Variants in BCL11A observed in about 807,000 individuals in gnomAD.
BCL11A encodes the protein BCL11 transcription factor A.
Under a neutral mutation model 55.9 loss-of-function variants are expected in BCL11A, and 2 were observed. The observed-to-expected ratio is 0.04, with a 90% CI of 0.01 to 0.11. BCL11A has a LOEUF of 0.11. Ranked by LOEUF, BCL11A falls within the 10% of genes least tolerant of loss-of-function variation. The pLI is 1.00. For synonymous variants in BCL11A, 465 were observed against 473.4 expected (o/e 0.98, Z 0.23); for missense variants, 817 against 1,137.1 (o/e 0.72, Z 4.05).
At position 60,461,514 on chromosome 2, in the gene BCL11A, C is replaced by G. The variant is rs1456257874; in HGVS notation, c.1398G>C (p.Val466=). 2 of 1,607,108 alleles carry G rather than the reference C, an allele frequency of 1.2e-6. No homozygotes were observed. The highest frequency in any genetic ancestry group is 1.7e-6 in the Non-Finnish European group (2 of 1,179,976). Residue 466 remains valine, a synonymous_variant, in exon 4 of 4, where the codon GTG becomes GTC. Transcript: ENST00000642384. ...CGTTCTCGCTCTTGAACTTGGCCAC[C>G]ACGGACTTGAGCGCGCTGCTGGCGC... ...VGSASSALKS[V]VAKFKSENDP... is the part of the protein sequence containing the mutation.
chr2:60,511,147 G>A (rs1215186438), intron 2 of BCL11A, among the ~76,000 whole-genome samples: 1 of 152,054 alleles, frequency 6.6e-6, no homozygotes. Context: ...CTGCCTCCAC[G>A]GCATTACTCT....
In BCL11A at chr2:60,460,894, A is replaced by G. The variant is rs758262723; in HGVS notation, c.2018T>C (p.Phe673Ser). The G allele has an allele frequency of 1.9e-6, 3 of 1,613,096 alleles. No individual in the cohort carries two copies. Among genetic ancestry groups the G allele is most frequent in the Non-Finnish European group, 1.7e-6 (2 of 1,180,022 alleles). ...TTGTCTGGAGTCTCCGAAGCTAAGGAAGGGATCTTTGAGCTGCCTGGAGGC... is the reference window on the plus strand; with the variant it reads ...TTGTCTGGAGTCTCCGAAGCTAAGGGAGGGATCTTTGAGCTGCCTGGAGGC... ...YAASRQLKDP[F>S]LSFGDSRQSP... The change falls in exon 4 of 4, where the codon TTC (phenylalanine) becomes TCC (serine). Residue 673 changes from phenylalanine to serine, a missense_variant. By Grantham distance (155) the Phe-to-Ser change is radical. Transcript: ENST00000642384.
intron 2 of BCL11A, among the ~76,000 whole-genome samples, chr2:60,492,339 C>T (rs1023253302): frequency 6.6e-6 from 1 of 152,122 alleles, no homozygotes. Context: ...TACACTCTAG[C>T]CTAGGCAACA....
intron 3 of BCL11A, among the ~76,000 whole-genome samples, chr2:60,464,164 C>G (rs1018568253): frequency 2.0e-5 from 3 of 152,096 alleles, no homozygotes; most frequent in African/African-American, 7.2e-5. Flanking sequence ...TATCTCACTC[C>G]TGGGTAAATC....
intron 2 of BCL11A, chr2:60,542,222 T>A (rs1425277728): frequency 4.6e-6 from 1 of 216,792 alleles, no homozygotes; most frequent in Non-Finnish European, 9.1e-6. Context: ...GGACTTGTCA[T>A]ATTTTTTCTC....
chr2:60,526,489 G>A (rs956275497), intron 2 of BCL11A: 2 of 152,014 alleles, frequency 1.3e-5, no homozygotes, highest in South Asian at 2.1e-4. Context: ...TGCTCAAAAG[G>A]GTCCGCAAAA....
At position 60,546,790 on chromosome 2, in the gene BCL11A, A is replaced by G. The variant is rs1295251566; in HGVS notation, c.56-490T>C. The stretch of plus-strand genomic sequence containing the variant: ...AATGAAAGGAGAGGTGAATAAACAC[A>G]CACACCCTTTGTGTGTGAATGTATA... On this transcript the variant is annotated intron_variant, in intron 1 of 3. Coordinates refer to ENST00000642384, the MANE Select transcript of BCL11A (RefSeq NM_022893.4). This position sits in a 1 kb window ranked among gnomAD's most constrained non-coding sequence, Gnocchi z 4.1. Among the ~76,000 whole-genome samples the G allele has an allele frequency of 1.3e-5, 2 of 152,228 alleles. No individual in the cohort carries two copies. Among genetic ancestry groups the G allele is most frequent in the Admixed American group, 1.3e-4 (2 of 15,282 alleles).
Position 60,553,239 on chromosome 2 carries a change from T to C in BCL11A, c.32A>G (p.His11Arg), listed in dbSNP as rs1185259158. 1 of 1,600,054 alleles carries C rather than the reference T, an allele frequency of 6.2e-7. No homozygotes were observed. The highest frequency in any genetic ancestry group is 8.5e-7 in the Non-Finnish European group (1 of 1,175,980). The change falls in exon 1 of 4, where the codon CAC (histidine) becomes CGC (arginine). Residue 11 changes from histidine (H) to arginine (R), a missense_variant. His to Arg is a conservative substitution (Grantham distance 29, BLOSUM62 0). Transcript: ENST00000642384. MSRRKQGKPQ[H>R]LSKREFSPEP... Reference sequence around the variant, plus strand: ...ACGCGAGAATTCCCGTTTGCTTAAGTGCTGGGGTTTGCCTTGCTTGCGGCG... The same window carrying C: ...ACGCGAGAATTCCCGTTTGCTTAAGCGCTGGGGTTTGCCTTGCTTGCGGCG...
intron 1 of BCL11A, among the ~76,000 whole-genome samples, chr2:60,549,493 G>A (rs1185354304): frequency 6.6e-6 from 1 of 152,234 alleles, no homozygotes; most frequent in Non-Finnish European, 1.5e-5. Context: ...AGGGGCCCCG[G>A]CAAGGGTGGA....
chr2:60,517,815 T>C (rs568838118), intron 2 of BCL11A, among the ~76,000 whole-genome samples: 1 of 152,246 alleles, frequency 6.6e-6, no homozygotes, highest in Admixed American at 6.5e-5. Flanking sequence ...CACAAGTCTA[T>C]GTCTACATAG....
intron 2 of BCL11A, among the ~76,000 whole-genome samples, chr2:60,477,604 T>TAAATAAAGAAAGAAAG (rs1677688324): frequency 6.6e-6 from 1 of 150,512 alleles, no homozygotes; most frequent in Non-Finnish European, 1.5e-5. Flanking sequence ...GTAAAATAAA[T>TAAATAAAGAAAGAAAG]AAAGAAAGAA....
chr2:60,452,616 A>T, downstream of BCL11A: 1 of 1,613,976 alleles, frequency 6.2e-7, no homozygotes, highest in Non-Finnish European at 8.5e-7. Context: ...GAAAACTGCC[A>T]CACATCTTGA....
At position 60,457,475 on chromosome 2, in the gene BCL11A, A is replaced by T; in HGVS notation, c.*2929T>A. ...AGTGACTCCCATAGTAAAAGATAAA[A>T]TTTCAAGTTACGACAAACAGCTTTC... On this transcript the variant is annotated 3_prime_UTR_variant, in exon 4 of 4. Coordinates refer to ENST00000642384, the MANE Select transcript of BCL11A (RefSeq NM_022893.4). 1 of 1,042,454 alleles carries T rather than the reference A, an allele frequency of 9.6e-7. No homozygotes were observed. Among genetic ancestry groups the T allele is most frequent in the Non-Finnish European group, 1.2e-6 (1 of 864,446 alleles). 64.6% of individuals were successfully genotyped at this position (1,042,454 alleles called of 1,614,324 possible).
chr2:60,499,447 C>T (rs1166600482), intron 2 of BCL11A, among the ~76,000 whole-genome samples: 1 of 152,038 alleles, frequency 6.6e-6, no homozygotes, highest in East Asian at 1.9e-4. Flanking sequence ...GGAAATTAGC[C>T]CCATTTTATA....
chr2:60,491,919 A>C (rs1678664094), intron 2 of BCL11A, among the ~76,000 whole-genome samples: 2 of 152,210 alleles, frequency 1.3e-5, no homozygotes, highest in African/African-American at 4.8e-5. Context: ...CAAATAAATG[A>C]AGTTCAGATA....
intron 2 of BCL11A, among the ~76,000 whole-genome samples, chr2:60,504,304 C>A (rs534481862): frequency 6.6e-6 from 1 of 152,320 alleles, no homozygotes; most frequent in African/African-American, 2.4e-5. Flanking sequence ...CTGGGTCTGC[C>A]TGGGTCCACC....
chr2:60,462,183 T>C lies in BCL11A; in HGVS notation c.729A>G (p.Ile243Met), dbSNP rs762807578. 2 of 1,593,494 alleles carry C rather than the reference T, an allele frequency of 1.3e-6. No individual in the cohort carries two copies. Among genetic ancestry groups the C allele is most frequent in the Non-Finnish European group, 1.7e-6 (2 of 1,170,264 alleles). The change falls in exon 4 of 4, where the codon ATA (isoleucine) becomes ATG (methionine). Residue 243 changes from isoleucine to methionine, a missense_variant. Coordinates refer to ENST00000642384, the MANE Select transcript of BCL11A (RefSeq NM_022893.4). ...ADNNPFNLLR[I>M]PGSVSREASG... ...AAGCCTCTCTCGATACTGATCCTGG[T>C]ATTCTTAGCAGGTTAAAGGGGTTAT...
Position 60,458,766 on chromosome 2 carries a change from T to C in BCL11A, c.*1638A>G. 1 of 1,032,484 alleles carries C rather than the reference T, an allele frequency of 9.7e-7. No homozygotes were observed. Among genetic ancestry groups the C allele is most frequent in the Non-Finnish European group, 1.2e-6 (1 of 857,624 alleles). 64.0% of individuals were successfully genotyped at this position (1,032,484 alleles called of 1,614,324 possible). On this transcript the variant is annotated 3_prime_UTR_variant, in exon 4 of 4. Transcript: ENST00000642384. ...GCAGGTTTATTTTATACTCAACCTCTGTATCTCTGATTAGAGAAAAGATAC... is the reference window on the plus strand; with the variant it reads ...GCAGGTTTATTTTATACTCAACCTCCGTATCTCTGATTAGAGAAAAGATAC...
Position 60,461,330 on chromosome 2 carries a change from T to C in BCL11A, c.1582A>G (p.Ser528Gly). ...SLEAARHHEN[S>G]SRGAVVGVGD... ...ACGCCCACGACCGCGCCCCGCGAGC[T>C]GTTCTCGTGGTGGCGCGCCGCCTCC... is the stretch of plus-strand genomic sequence containing the variant. Residue 528 changes from serine to glycine, a missense_variant, in exon 4 of 4, where the codon AGC becomes GGC. By Grantham distance (56) the Ser-to-Gly change is moderately conservative. This residue lies in a region of BCL11A where 379 missense variants were observed against 425.3 expected (regional missense o/e 0.89). Transcript: ENST00000642384. 1 of 1,598,404 alleles carries C rather than the reference T, an allele frequency of 6.3e-7. No homozygotes were observed. Among genetic ancestry groups the C allele is most frequent in the East Asian group, 2.2e-5 (1 of 44,558 alleles).
Sources: allele counts gnomAD v4.1 joint callset (sites outside exome capture counted in the v4.1 genomes callset), GRCh38; gene constraint gnomAD v4.1.1; regional missense constraint gnomAD v4.1.1; non-coding constraint Gnocchi (gnomAD v3.1); transcripts MANE v1.5; gene names NCBI Gene and HGNC (gene_info 2026-07-23, HGNC 2026-07-21).